Variants in SMAP1 observed in about 807,000 individuals in gnomAD.
SMAP1 encodes the protein stromal membrane-associated protein 1.
Under a neutral mutation model 58.5 loss-of-function variants are expected in SMAP1, and 24 were observed. That is an observed-to-expected ratio of 0.41 (90% CI 0.30 to 0.58). The LOEUF is 0.58. SMAP1 is among the 20% of genes least tolerant of loss of function. The pLI, the probability that SMAP1 is intolerant of heterozygous loss-of-function variation, is 0.29. For synonymous variants in SMAP1, 216 were observed against 196.6 expected (o/e 1.10, Z -0.82); for missense variants, 563 against 566.3 (o/e 0.99, Z 0.06).
At chr6:70,688,604 A>G (rs1767029911) in intron 1 of SMAP1, among the ~76,000 whole-genome samples, 1 of 152,122 alleles carries the variant, frequency 6.6e-6, no homozygotes, top group Admixed American at 6.5e-5. Flanking sequence ...CTTCAGTGAA[A>G]TGTCTGTTCA....
intron 3 of SMAP1, among the ~76,000 whole-genome samples, chr6:70,770,415 T>A (rs13202113): frequency 0.13 from 19,291 of 152,290 alleles, 1,603 homozygotes; most frequent in East Asian, 0.21. Context: ...TCTTTTCACA[T>A]AGTCCCATAT....
intron 2 of SMAP1, among the ~76,000 whole-genome samples, chr6:70,743,989 C>T (rs1308709634): frequency 2.0e-5 from 3 of 151,870 alleles, no homozygotes; most frequent in Admixed American, 6.6e-5. Context: ...TTTTCTTTTT[C>T]CTCTTGATTT....
chr6:70,842,738 G>A (rs946854263), intron 7 of SMAP1, among the ~76,000 whole-genome samples: 26 of 152,096 alleles, frequency 1.7e-4, no homozygotes, highest in African/African-American at 5.8e-4. Context: ...AACAGTGAGC[G>A]CAGGGAGCCA....
chr6:70,774,386 A>C (rs1205690561), intron 4 of SMAP1, among the ~76,000 whole-genome samples: 4 of 152,202 alleles, frequency 2.6e-5, no homozygotes, highest in African/African-American at 7.2e-5. Flanking sequence ...ATAAGCTATA[A>C]ACCAGTTAAT....
intron 2 of SMAP1, among the ~76,000 whole-genome samples, chr6:70,742,216 C>T (rs1034075512): frequency 1.8e-4 from 27 of 152,324 alleles, no homozygotes; most frequent in African/African-American, 6.3e-4. Flanking sequence ...TCTTTCCTAT[C>T]GCATCATCAG....
At chr6:70,809,980 A>G (rs1351234764) in intron 6 of SMAP1, among the ~76,000 whole-genome samples, 1 of 152,170 alleles carries the variant, frequency 6.6e-6, no homozygotes, top group Non-Finnish European at 1.5e-5. Flanking sequence ...GTTGCTGTTA[A>G]CAACTCCTCA....
intron 2 of SMAP1, among the ~76,000 whole-genome samples, chr6:70,747,347 A>G (rs1343711118): frequency 6.6e-6 from 1 of 152,204 alleles, no homozygotes. Flanking sequence ...GGTGGAAGAA[A>G]GCATGTCGTG....
chr6:70,824,114 T>G (rs1295753578), intron 6 of SMAP1, among the ~76,000 whole-genome samples: 1 of 152,180 alleles, frequency 6.6e-6, no homozygotes, highest in African/African-American at 2.4e-5. Flanking sequence ...CTCTCTTGTT[T>G]TCAGGGCTAC....
chr6:70,788,505 G>T (rs1401776353), intron 4 of SMAP1, among the ~76,000 whole-genome samples: 2 of 151,978 alleles, frequency 1.3e-5, no homozygotes, highest in Non-Finnish European at 2.9e-5. Context: ...AAATATTATA[G>T]GAGGTGCGTA....
At chr6:70,841,464 G>A (rs1770803735) in intron 7 of SMAP1, among the ~76,000 whole-genome samples, 1 of 140,296 alleles carries the variant, frequency 7.1e-6, no homozygotes, top group African/African-American at 2.7e-5. Context: ...TCATGATCTT[G>A]GTAATGAAAA....
Position 70,668,797 on chromosome 6 carries a change from G to A in SMAP1, c.118+656G>A, listed in dbSNP as rs1240046727. 6 of 1,450,164 alleles carry A rather than the reference G, an allele frequency of 4.1e-6. No individual in the cohort carries two copies. The South Asian group carries it at 5.0e-5, about 12-fold the overall frequency. The allele number at this position is 1,450,164 out of a possible 1,614,324, so 89.8% of individuals were successfully genotyped here. A position where few individuals can be genotyped will look rare whatever the true frequency, so the allele number is the denominator to read the frequency against. On this transcript the variant is annotated intron_variant, in intron 1 of 10. Transcript: ENST00000370455. ...GTATTGTTTTTTAGTCTGGTTATTA[G>A]CCAGAATGAAGAGGAATTTCATTAC...
intron 1 of SMAP1, among the ~76,000 whole-genome samples, chr6:70,705,598 G>C (rs1767806694): frequency 6.6e-6 from 1 of 152,158 alleles, no homozygotes; most frequent in Non-Finnish European, 1.5e-5. Context: ...GCCAGTTTAA[G>C]AGAGAATTTT....
chr6:70,676,221 T>C (rs1398387824), intron 1 of SMAP1, among the ~76,000 whole-genome samples: 2 of 152,244 alleles, frequency 1.3e-5, no homozygotes, highest in African/African-American at 4.8e-5. Context: ...CAACTGTATA[T>C]TGAATCTTTT....
intron 1 of SMAP1, among the ~76,000 whole-genome samples, chr6:70,695,221 C>A (rs992871697): frequency 1.3e-5 from 2 of 152,114 alleles, no homozygotes; most frequent in African/African-American, 4.8e-5. Flanking sequence ...GATCATATTA[C>A]CTACAGACAA....
Position 70,849,005 on chromosome 6 carries a change from C to T in SMAP1, c.665-3535C>T, listed in dbSNP as rs534400847. 5.9e-5 allele frequency among the ~76,000 whole-genome samples: 9 copies of T among 152,196 alleles called. No homozygotes were observed. The East Asian group carries it at 1.4e-3, about 23-fold the overall frequency. On this transcript the variant is annotated intron_variant, in intron 7 of 10. Coordinates refer to ENST00000370455, the MANE Select transcript of SMAP1 (RefSeq NM_001044305.3). ...AAATTGATGGCTGTGAAATCCAGAA[C>T]CCACCGTTAAGGGATCAATCACATG...
intron 5 of SMAP1, among the ~76,000 whole-genome samples, chr6:70,794,990 G>A (rs752789491): frequency 1.5e-4 from 23 of 151,884 alleles, no homozygotes; most frequent in Non-Finnish European, 2.6e-4. Flanking sequence ...GGGTTTCACC[G>A]TGTTAGCCCG....
chr6:70,731,375 T>C (rs1765425441), intron 1 of SMAP1, among the ~76,000 whole-genome samples: 1 of 152,222 alleles, frequency 6.6e-6, no homozygotes, highest in Non-Finnish European at 1.5e-5. Flanking sequence ...TTGGCAGTGT[T>C]TTTCAGAACT....
intron 7 of SMAP1, among the ~76,000 whole-genome samples, chr6:70,837,413 C>T (rs117225411): frequency 6.6e-6 from 1 of 151,926 alleles, no homozygotes; most frequent in South Asian, 2.1e-4. Context: ...TCTAGGGTAG[C>T]CTTATTGTAA....
At chr6:70,696,167 C>T (rs1042627124) in intron 1 of SMAP1, among the ~76,000 whole-genome samples, 5 of 151,502 alleles carry the variant, frequency 3.3e-5, no homozygotes, top group Admixed American at 1.3e-4. Flanking sequence ...CTTCTTTCTT[C>T]GTCTGGCTTA....
Sources: gnomAD v4.1 joint callset for allele counts (sites outside exome capture counted in the v4.1 genomes callset) on GRCh38, gnomAD v4.1.1 for gene constraint, MANE v1.5 for transcripts, NCBI Gene and HGNC (gene_info 2026-07-23, HGNC 2026-07-21) for gene names.